EXTL3: variants seen among roughly 807,000 people sequenced by gnomAD.
EXTL3 encodes the protein exostosin like glycosyltransferase 3.
Under a neutral mutation model 69.3 loss-of-function variants are expected in EXTL3, and 27 were observed. That is an observed-to-expected ratio of 0.39 (90% CI 0.29 to 0.54). EXTL3 has a LOEUF of 0.54. Among genes scored for constraint, EXTL3 ranks in the 20% least tolerant of loss-of-function variants. EXTL3 has a pLI of 0.69. For synonymous variants in EXTL3, 511 were observed against 499.4 expected (o/e 1.02, Z -0.31); for missense variants, 1,003 against 1,231.8 (o/e 0.81, Z 2.78).
At chr8:28,633,079 T>C (rs1806595426) in intron 1 of EXTL3, among the ~76,000 whole-genome samples, 1 of 152,166 alleles carries the variant, frequency 6.6e-6, no homozygotes, top group African/African-American at 2.4e-5. Context: ...TGGCTCACAC[T>C]TGTAATCCCA....
chr8:28,655,327 T>C (rs1806990977), intron 1 of EXTL3, among the ~76,000 whole-genome samples: 1 of 152,160 alleles, frequency 6.6e-6, no homozygotes, highest in Admixed American at 6.5e-5. Context: ...AATATTATTA[T>C]GCCTATTTTA....
In EXTL3 at chr8:28,717,525, G is replaced by A. The variant is rs781097911; in HGVS notation, c.1466G>A (p.Arg489His). ...GCGGCCCTGGTGGTGCCAAAGCCTC[G>A]TGTTACCGAGGTTCATTTCCTGCTC... ...NEAALVVPKP[R>H]VTEVHFLLRS... Residue 489 changes from arginine to histidine, a missense_variant, in exon 3 of 7, where the codon CGT becomes CAT. By Grantham distance (29) the Arg-to-His change is conservative. Transcript: ENST00000220562. The surrounding 1 kb of genome is among the most constrained non-coding windows in gnomAD (Gnocchi z 8.3). 5.6e-6 allele frequency: 9 copies of A among 1,614,252 alleles called. No homozygotes were observed. Among genetic ancestry groups the A allele is most frequent in the East Asian group, 2.2e-5 (1 of 44,888 alleles).
chr8:28,731,509 T>G (rs1028805528), intron 4 of EXTL3, among the ~76,000 whole-genome samples, 159 bp downstream of exon 4: 13 of 152,194 alleles, frequency 8.5e-5, no homozygotes, highest in African/African-American at 2.7e-4. Flanking sequence ...TAGATGGCGT[T>G]GGAGGAGTCC....
chr8:28,722,795 A>AAG (rs902962562), intron 3 of EXTL3, among the ~76,000 whole-genome samples: 24 of 151,014 alleles, frequency 1.6e-4, no homozygotes, highest in African/African-American at 5.4e-4. Flanking sequence ...AAAAAAAAAA[A>AAG]AGAGAGATAC....
At chr8:28,678,224 C>T (rs1807420582) in intron 1 of EXTL3, 1 of 152,260 alleles carries the variant, frequency 6.6e-6, no homozygotes, top group Non-Finnish European at 1.5e-5. Flanking sequence ...CACCTAGTCT[C>T]ATCGATCACA....
intron 3 of EXTL3, among the ~76,000 whole-genome samples, chr8:28,721,410 A>G (rs1801289683): frequency 2.0e-5 from 3 of 152,278 alleles, no homozygotes; most frequent in South Asian, 4.1e-4. Flanking sequence ...TACCTTACAC[A>G]TTTCCTTTAC....
rs1462443625 is a variant in EXTL3, at chr8:28,754,031, T to TGC, written c.*3167_*3168dup. On this transcript the variant is annotated 3_prime_UTR_variant, in exon 7 of 7. Transcript: ENST00000220562. Reference sequence around the variant, plus strand: ...TTAATTTTTTCATGGGAATTTAAAATGCGTGTGTGTGTGTGTGTGTGTGTG... The same window carrying TGC: ...TTAATTTTTTCATGGGAATTTAAAATGCGCGTGTGTGTGTGTGTGTGTGTGTG... The TGC allele has an allele frequency of 1.5e-5, 2 of 137,454 alleles. No homozygotes were observed. The highest frequency in any genetic ancestry group is 3.1e-5 in the Non-Finnish European group (2 of 64,810). 8.5% of individuals were successfully genotyped at this position (137,454 alleles called of 1,614,324 possible). A position where few individuals can be genotyped will look rare whatever the true frequency, so the allele number is the denominator to read the frequency against.
chr8:28,725,057 C>G (rs1801383921), intron 3 of EXTL3, among the ~76,000 whole-genome samples: 1 of 152,086 alleles, frequency 6.6e-6, no homozygotes, highest in South Asian at 2.1e-4. Flanking sequence ...CCTTTCTTGC[C>G]TGTGTGATGG....
chr8:28,620,031 C>T (rs181060202), upstream of EXTL3, among the ~76,000 whole-genome samples: 2 of 151,740 alleles, frequency 1.3e-5, no homozygotes, highest in Admixed American at 6.6e-5. Flanking sequence ...CCACCATGCC[C>T]GGCTAATTTT....
chr8:28,666,572 TTTTC>T (rs1807200360), intron 1 of EXTL3, among the ~76,000 whole-genome samples: 2 of 150,708 alleles, frequency 1.3e-5, no homozygotes, highest in South Asian at 4.2e-4. Flanking sequence ...CACTCTTTTC[TTTTC>T]TTTCTTTTTT....
At chr8:28,695,133 T>C (rs1800666882) in intron 1 of EXTL3, among the ~76,000 whole-genome samples, 1 of 151,410 alleles carries the variant, frequency 6.6e-6, no homozygotes, top group Admixed American at 6.6e-5. Context: ...ATGAGGATTT[T>C]TTTTTTTTTT....
chr8:28,622,220 T>C (rs920433846), upstream of EXTL3, among the ~76,000 whole-genome samples: 1 of 152,256 alleles, frequency 6.6e-6, no homozygotes, highest in African/African-American at 2.4e-5. Flanking sequence ...AACGCTGTTT[T>C]CGCGTTTCCT....
intron 2 of EXTL3, among the ~76,000 whole-genome samples, chr8:28,614,628 G>T (rs1462882047): frequency 1.3e-5 from 2 of 151,980 alleles, no homozygotes; most frequent in Non-Finnish European, 2.9e-5. Flanking sequence ...GGAAGCTTAG[G>T]TTGCTGGTTT....
chr8:28,710,607 T>A (rs2130722881), intron 1 of EXTL3: 2 of 362,618 alleles, frequency 5.5e-6, no homozygotes, highest in East Asian at 8.0e-5. Flanking sequence ...GTAGTTTTCT[T>A]TCTTTCTTTT....
At chr8:28,696,785 C>G (rs1224788952), upstream of EXTL3, 2 of 152,208 alleles carry the variant, frequency 1.3e-5, no homozygotes, top group Admixed American at 1.3e-4. Context: ...GTCTCAAACT[C>G]CTGACCTCAA....
intron 1 of EXTL3, among the ~76,000 whole-genome samples, chr8:28,706,222 C>T (rs1396062822): frequency 6.6e-6 from 1 of 152,030 alleles, no homozygotes; most frequent in Non-Finnish European, 1.5e-5. Flanking sequence ...TCTTGCTCAC[C>T]TAAAATATAT....
At chr8:28,683,704 G>A (rs1261577600) in intron 1 of EXTL3, among the ~76,000 whole-genome samples, 1 of 152,064 alleles carries the variant, frequency 6.6e-6, no homozygotes, top group Non-Finnish European at 1.5e-5. Flanking sequence ...CAGCTACTCA[G>A]GAGGCTGAGG....
In EXTL3 at chr8:28,750,589, G is replaced by A. The variant is rs187156109; in HGVS notation, c.2551-68G>A. On this transcript the variant is annotated intron_variant, in intron 6 of 6. Transcript: ENST00000220562. The surrounding 1 kb of genome is among the most constrained non-coding windows in gnomAD (Gnocchi z 5.2). ...ACCATGGACATGGGAGTGTGGGATC[G>A]GCTCAGCTGCAAGGGTTCTGTCAGT... 14 of 1,288,954 alleles carry A rather than the reference G, an allele frequency of 1.1e-5. No homozygotes were observed. Among genetic ancestry groups the A allele is most frequent in the East Asian group, 2.3e-5 (1 of 43,310 alleles). The allele number at this position is 1,288,954 out of a possible 1,614,324, so 79.8% of individuals were successfully genotyped here. A position where few individuals can be genotyped will look rare whatever the true frequency, so the allele number is the denominator to read the frequency against.
At chr8:28,607,787 G>C (rs984884856) in intron 2 of EXTL3, 3 of 152,230 alleles carry the variant, frequency 2.0e-5, no homozygotes, top group Non-Finnish European at 2.9e-5. Context: ...CCATAGCACA[G>C]AGCATTGGGA....
Sources: allele counts gnomAD v4.1 joint callset (sites outside exome capture counted in the v4.1 genomes callset), GRCh38; gene constraint gnomAD v4.1.1; non-coding constraint Gnocchi (gnomAD v3.1); transcripts MANE v1.5; gene names NCBI Gene and HGNC (gene_info 2026-07-23, HGNC 2026-07-21).